The following MYL6B variants were observed in gnomAD, a reference collection of about 807,000 sequenced individuals.
The protein encoded by MYL6B is myosin light chain 6B, also known as myosin alkali light chain 1 slow a.
MYL6B carries 19 observed loss-of-function variants against 24.5 expected under a neutral mutation model. The observed-to-expected ratio is 0.78, with a 90% CI of 0.54 to 1.14. The LOEUF (loss-of-function observed/expected upper bound fraction) is 1.14. MYL6B is among the 50% of genes most tolerant of loss of function. MYL6B has a pLI of 0.00. For synonymous variants in MYL6B, 90 were observed against 100.7 expected (o/e 0.89, Z 0.64); for missense variants, 230 against 263.8 (o/e 0.87, Z 0.89).
chr12:56,157,282 G>A, intron 5 of MYL6B, 186 bp from the exon 6 acceptor site: 1 of 577,360 alleles, frequency 1.7e-6, no homozygotes, highest in Non-Finnish European at 3.1e-6. Flanking sequence ...TACTCGGGAG[G>A]GTGAGGCAGG....
chr12:56,157,343 C>G, intron 5 of MYL6B, 125 bp from the exon 6 acceptor site: 2 of 844,232 alleles, frequency 2.4e-6, no homozygotes, highest in Non-Finnish European at 3.7e-6. Flanking sequence ...GAGATCGCTC[C>G]GCTCCACTGC....
At chr12:56,153,669 A>G in intron 1 of MYL6B, 1 of 392,766 alleles carries the variant, frequency 2.5e-6, no homozygotes, top group Non-Finnish European at 4.3e-6. Context: ...CCCTAAAGGA[A>G]ACATTGTTCT....
Position 56,153,863 on chromosome 12 carries a change from A to G in MYL6B, c.-46-10A>G. Reference sequence around the variant, plus strand: ...CCTTGACATCCCAGACTCCCTGGCTATTTAAACAGAGATGGGTGCCCCCAT... The same window carrying G: ...CCTTGACATCCCAGACTCCCTGGCTGTTTAAACAGAGATGGGTGCCCCCAT... On this transcript the variant is annotated splice_polypyrimidine_tract_variant and intron_variant, in intron 1 of 6. Transcript: ENST00000553066. 2 of 1,522,246 alleles carry G rather than the reference A, an allele frequency of 1.3e-6. No homozygotes were observed. The highest frequency in any genetic ancestry group is 1.3e-5 in the South Asian group (1 of 79,226). 94.3% of individuals were successfully genotyped at this position (1,522,246 alleles called of 1,614,324 possible). A position where few individuals can be genotyped will look rare whatever the true frequency, so the allele number is the denominator to read the frequency against.
chr12:56,153,931 A>G, exon 2 of MYL6B: 3 of 1,612,472 alleles, frequency 1.9e-6, no homozygotes, highest in Non-Finnish European at 2.5e-6. Context: ...GCCTCCCAAG[A>G]AGGATGTTCC....
At chr12:56,154,676 TG>T in intron 2 of MYL6B, 136 bp from the exon 3 acceptor site, 4 of 908,008 alleles carry the variant, frequency 4.4e-6, no homozygotes, top group Non-Finnish European at 6.8e-6. Flanking sequence ...GAGCTGGGAA[TG>T]GGACTGAGGT....
chr12:56,155,479 A>G (rs1871272759), exon 5 of MYL6B: 4 of 1,614,070 alleles, frequency 2.5e-6, no homozygotes, highest in African/African-American at 1.3e-5. Context: ...GCAGTGGCCA[A>G]GAACCGAGGC....
At chr12:56,156,777 G>A (rs1265943235) in intron 5 of MYL6B, among the ~76,000 whole-genome samples, 5 of 151,788 alleles carry the variant, frequency 3.3e-5, no homozygotes, top group East Asian at 1.9e-4. Context: ...AAGGCTGGGC[G>A]TGGTGGCTCA....
chr12:56,152,880 G>A (rs1871160773), intron 1 of MYL6B, among the ~76,000 whole-genome samples: 1 of 151,980 alleles, frequency 6.6e-6, no homozygotes, highest in African/African-American at 2.4e-5. Flanking sequence ...CAGAACAAAA[G>A]TAGCCTGCAA....
chr12:56,155,222 T>C, intron 4 of MYL6B, 24 bp downstream of exon 4: 1 of 1,574,330 alleles, frequency 6.4e-7, no homozygotes, highest in Non-Finnish European at 8.6e-7. Context: ...TGGGAACAAT[T>C]TGGGTTTTTA....
Position 56,153,771 on chromosome 12 carries a change from G to A in MYL6B, c.-46-102G>A, listed in dbSNP as rs1452404093. On this transcript the variant is annotated intron_variant, in intron 1 of 6. Coordinates refer to ENST00000553066, the Ensembl canonical transcript of MYL6B. Reference sequence around the variant, plus strand: ...ATAGGAGGCCAGGGGAGTGAGGGCAGGCGGTTATATCTCTCCTCTACCTCA... The same window carrying A: ...ATAGGAGGCCAGGGGAGTGAGGGCAAGCGGTTATATCTCTCCTCTACCTCA... 13 of 787,306 alleles carry A rather than the reference G, an allele frequency of 1.7e-5. No individual in the cohort carries two copies. The East Asian group carries it at 3.3e-4, about 20-fold the overall frequency. 48.8% of individuals were successfully genotyped at this position (787,306 alleles called of 1,614,324 possible). A position where few individuals can be genotyped will look rare whatever the true frequency, so the allele number is the denominator to read the frequency against.
chr12:56,157,685 CCT>C lies in MYL6B; in HGVS notation c.599-6_599-5del, dbSNP rs1565882221. 2.5e-6 allele frequency: 4 copies of C among 1,613,240 alleles called. No homozygotes were observed. The Middle Eastern group carries it at 4.9e-4, about 200-fold the overall frequency. ...CCTGCTTCTGAAGCCCCTCTTGCCT[CCT>C]CTCTCTGCAGCCTTCTTGAAACACA... On this transcript the variant is annotated splice_polypyrimidine_tract_variant and intron_variant, in intron 6 of 6. Coordinates refer to ENST00000553066, the Ensembl canonical transcript of MYL6B.
chr12:56,153,546 T>G, intron 1 of MYL6B: 1 of 920,140 alleles, frequency 1.1e-6, no homozygotes, highest in South Asian at 5.0e-5. Flanking sequence ...CTAAAGCTGC[T>G]GGATCACCTG....
chr12:56,153,293 C>T, intron 1 of MYL6B: 1 of 321,958 alleles, frequency 3.1e-6, no homozygotes, highest in Non-Finnish European at 4.5e-6. Flanking sequence ...GACTATTCTT[C>T]CTTTATACTG....
intron 2 of MYL6B, 28 bp from the exon 3 acceptor site, chr12:56,154,785 T>C (rs751934207): frequency 1.9e-6 from 3 of 1,607,356 alleles, no homozygotes; most frequent in East Asian, 2.2e-5. Flanking sequence ...AACTCTCATC[T>C]CTCCCCACCT....
chr12:56,154,943 C>T (rs1871249031), intron 3 of MYL6B, 103 bp downstream of exon 3: 1 of 1,561,196 alleles, frequency 6.4e-7, no homozygotes, highest in African/African-American at 1.4e-5. Flanking sequence ...ACCTCCCATA[C>T]TAGTCCTCTT....
chr12:56,155,450 T>G (rs759924825), exon 5 of MYL6B: 9 of 1,614,206 alleles, frequency 5.6e-6, no homozygotes, highest in Non-Finnish European at 7.6e-6. Context: ...ACTTTGAGAC[T>G]TTCCTGCCCA....
intron 5 of MYL6B, 35 bp from the exon 6 acceptor site, chr12:56,157,432 GA>G: frequency 6.2e-7 from 1 of 1,600,518 alleles, no homozygotes; most frequent in Admixed American, 1.7e-5. Context: ...GTGAAGGAGG[GA>G]AAGGAGGGCC....
intron 1 of MYL6B, among the ~76,000 whole-genome samples, chr12:56,152,935 G>T (rs953705118): frequency 6.6e-6 from 1 of 151,852 alleles, no homozygotes; most frequent in African/African-American, 2.4e-5. Flanking sequence ...CTCTCTCCCA[G>T]CGCCCCTGGC....
At chr12:56,155,742 T>A in intron 5 of MYL6B, 150 bp downstream of exon 5, 2 of 1,536,544 alleles carry the variant, frequency 1.3e-6, no homozygotes, top group Non-Finnish European at 1.7e-6. Flanking sequence ...GCTATGGGGG[T>A]AGAATCTGAA....
Sources: gnomAD v4.1 joint callset for allele counts (sites outside exome capture counted in the v4.1 genomes callset) on GRCh38, gnomAD v4.1.1 for gene constraint, MANE v1.5 for transcripts, NCBI Gene and HGNC (gene_info 2026-07-23, HGNC 2026-07-21) for gene names.